Variants in HOMER1 observed in about 807,000 individuals in gnomAD.
HOMER1 encodes the protein homer protein homolog 1.
A neutral mutation model predicts 48.9 loss-of-function variants in HOMER1; 3 were observed. The observed-to-expected ratio is 0.06, with a 90% CI of 0.03 to 0.16. The LOEUF (loss-of-function observed/expected upper bound fraction) is 0.16. Ranked by LOEUF, HOMER1 falls within the 10% of genes least tolerant of loss-of-function variation. The probability of loss-of-function intolerance (pLI) is 1.00; values close to 1 mark genes in which losing one functional copy is unlikely to be tolerated. For synonymous variants in HOMER1, 134 were observed against 146.4 expected, an observed-to-expected ratio of 0.92 and a Z score of 0.61; for missense variants, 247 against 411.4, an observed-to-expected ratio of 0.60 and a Z score of 3.46.
intron 8 of HOMER1, among the ~76,000 whole-genome samples, chr5:79,385,534 C>G (rs1749086810): frequency 6.6e-6 from 1 of 152,058 alleles, no homozygotes; most frequent in Non-Finnish European, 1.5e-5. Flanking sequence ...AAATACAAAT[C>G]AAAACCAAAT....
chr5:79,474,477 T>C (rs1353445878), intron 1 of HOMER1, among the ~76,000 whole-genome samples: 1 of 152,124 alleles, frequency 6.6e-6, no homozygotes, highest in Non-Finnish European at 1.5e-5. Context: ...AGTTCTCCCT[T>C]GAATTGTTTA....
Position 79,434,013 on chromosome 5 carries a change from C to T in HOMER1, c.527+4997G>A, listed in dbSNP as rs186176399. On this transcript the variant is annotated intron_variant, in intron 5 of 8. Coordinates refer to ENST00000334082, the MANE Select transcript of HOMER1 (RefSeq NM_004272.5). The stretch of plus-strand genomic sequence containing the variant: ...AAATTCTAGAAGCACCATGAGAACA[C>T]GTTATCTAAACATTAGAAGAATCTA... Among the ~76,000 whole-genome samples, 22 of 152,180 alleles carry T rather than the reference C, an allele frequency of 1.4e-4. No homozygotes were observed. In the East Asian group the frequency reaches 3.7e-3, roughly 25 times the overall value.
At chr5:79,407,795 G>T (rs1293826272) in intron 5 of HOMER1, among the ~76,000 whole-genome samples, 1 of 152,118 alleles carries the variant, frequency 6.6e-6, no homozygotes, top group African/African-American at 2.4e-5. Context: ...AAAAATAAAA[G>T]ACATGAAACC....
Position 79,373,012 on chromosome 5 carries a change from G to A in HOMER1, c.*2997C>T, listed in dbSNP as rs1485876491. ...TAGAGACAAGGAGAGATGCAACTTC[G>A]TGAGCATGTTTTAGTCTGCAGAAAG... On this transcript the variant is annotated 3_prime_UTR_variant, in exon 9 of 9. Coordinates refer to ENST00000334082, the MANE Select transcript of HOMER1 (RefSeq NM_004272.5). 2 of 152,066 alleles carry A rather than the reference G, an allele frequency of 1.3e-5. No homozygotes were observed. Among genetic ancestry groups the A allele is most frequent in the Non-Finnish European group, 2.9e-5 (2 of 67,972 alleles). 9.4% of individuals were successfully genotyped at this position (152,066 alleles called of 1,614,324 possible).
intron 2 of HOMER1, among the ~76,000 whole-genome samples, chr5:79,451,738 T>C (rs925140047): frequency 1.3e-5 from 2 of 151,722 alleles, no homozygotes; most frequent in African/African-American, 2.4e-5. Context: ...ACTAACTTTT[T>C]TGTATTTTTT....
At chr5:79,397,701 C>G in intron 6 of HOMER1, 64 bp from the exon 7 acceptor site, 1 of 880,732 alleles carries the variant, frequency 1.1e-6, no homozygotes, top group South Asian at 1.5e-5. Flanking sequence ...TTGCTAAATA[C>G]ATAGCCCCAA....
intron 5 of HOMER1, among the ~76,000 whole-genome samples, chr5:79,425,764 G>GT (rs1225119602): frequency 6.6e-6 from 1 of 151,704 alleles, no homozygotes; most frequent in Non-Finnish European, 1.5e-5. Context: ...TCCATTCTCT[G>GT]TAACTCTAGA....
chr5:79,452,025 T>C (rs1029153965), intron 2 of HOMER1, among the ~76,000 whole-genome samples: 2 of 152,164 alleles, frequency 1.3e-5, no homozygotes, highest in Admixed American at 1.3e-4. Context: ...CTTGGGAGAT[T>C]GGTTCCGGGA....
At chr5:79,393,625 A>G (rs1033402631) in intron 8 of HOMER1, among the ~76,000 whole-genome samples, 1 of 152,196 alleles carries the variant, frequency 6.6e-6, no homozygotes, top group Non-Finnish European at 1.5e-5. Flanking sequence ...CCAGATGTCA[A>G]TTTCCCAGCA....
chr5:79,503,726 A>C (rs78862471), intron 1 of HOMER1, among the ~76,000 whole-genome samples: 1 of 48,966 alleles, frequency 2.0e-5, no homozygotes, highest in African/African-American at 3.0e-4. Flanking sequence ...CTCTGCCTCC[A>C]AAAAAAAAAA....
chr5:79,502,240 G>A (rs1752615499), intron 1 of HOMER1, among the ~76,000 whole-genome samples: 1 of 151,880 alleles, frequency 6.6e-6, no homozygotes, highest in South Asian at 2.1e-4. Context: ...GGATGGTCTC[G>A]ATCTCCTGAC....
chr5:79,477,505 AT>A (rs982645442), intron 1 of HOMER1, among the ~76,000 whole-genome samples: 1 of 152,064 alleles, frequency 6.6e-6, no homozygotes, highest in Non-Finnish European at 1.5e-5. Flanking sequence ...TTGGATATGG[AT>A]TTTTTTTAGA....
rs554338502 is a variant in HOMER1 at position 79,393,278 on chromosome 5, C to T, written c.876+3545G>A. Among the ~76,000 whole-genome samples the T allele has an allele frequency of 8.5e-5, 13 of 152,108 alleles. No homozygotes were observed. In the South Asian group the frequency reaches 2.5e-3, roughly 29 times the overall value. ...AAAAGGAAAATAAAAAATGGTAATA[C>T]TACAAAAAATACCTGGGATGGGGTG... On this transcript the variant is annotated intron_variant, in intron 8 of 8. Transcript: ENST00000334082.
chr5:79,466,499 AAAT>A (rs143679793), intron 1 of HOMER1, among the ~76,000 whole-genome samples: 67 of 148,138 alleles, frequency 4.5e-4, no homozygotes, highest in Admixed American at 4.1e-4. Flanking sequence ...CCTGTCTCAA[AAAT>A]AATAATAATA....
At chr5:79,438,925 A>G in intron 5 of HOMER1, 85 bp downstream of exon 5, 1 of 1,206,258 alleles carries the variant, frequency 8.3e-7, no homozygotes, top group Non-Finnish European at 1.2e-6. Context: ...TTTCACTCAA[A>G]GCTTGTAACT....
chr5:79,500,123 T>G (rs1416281573), intron 1 of HOMER1, among the ~76,000 whole-genome samples: 2 of 152,090 alleles, frequency 1.3e-5, no homozygotes, highest in Admixed American at 6.6e-5. Context: ...AAAAGAAAAT[T>G]TGTGAAACTA....
chr5:79,474,042 GAAA>G (rs1256499648), intron 1 of HOMER1, among the ~76,000 whole-genome samples: 2 of 151,436 alleles, frequency 1.3e-5, no homozygotes, highest in African/African-American at 4.8e-5. Flanking sequence ...TTTTAAAAAA[GAAA>G]AAAATAGAGA....
rs551106236 is a variant in HOMER1 at position 79,433,395 on chromosome 5, C to T, written c.527+5615G>A. On this transcript the variant is annotated intron_variant, in intron 5 of 8. Transcript: ENST00000334082. ...CCAGCCTGGCTTACATGCTGAAATCCTGTCTCTACTAAAAATACAAAAATT... is the reference window on the plus strand; with the variant it reads ...CCAGCCTGGCTTACATGCTGAAATCTTGTCTCTACTAAAAATACAAAAATT... Among the ~76,000 whole-genome samples, 4 of 152,142 alleles carry T rather than the reference C, an allele frequency of 2.6e-5. No individual in the cohort carries two copies. The South Asian group carries it at 6.2e-4, about 24-fold the overall frequency.
intron 5 of HOMER1, among the ~76,000 whole-genome samples, chr5:79,422,088 A>G (rs367970202): frequency 6.6e-6 from 1 of 152,126 alleles, no homozygotes; most frequent in African/African-American, 2.4e-5. Flanking sequence ...TTAGCTAGGC[A>G]TGGTGGTGCA....
Sources: gnomAD v4.1 joint callset for allele counts (sites outside exome capture counted in the v4.1 genomes callset) on GRCh38, gnomAD v4.1.1 for gene constraint, MANE v1.5 for transcripts, NCBI Gene and HGNC (gene_info 2026-07-23, HGNC 2026-07-21) for gene names.